MOK: variants seen among roughly 807,000 people sequenced by gnomAD.
MOK encodes the protein MAPK/MAK/MRK overlapping kinase.
A neutral mutation model predicts 54.2 loss-of-function variants in MOK; 59 were observed. The ratio of observed to expected loss-of-function variants is 1.09; its 90% CI spans 0.88 to 1.35. The LOEUF is 1.35. MOK is among the 40% of genes most tolerant of loss of function. The pLI, the probability that MOK is intolerant of heterozygous loss-of-function variation, is 0.00. For synonymous variants in MOK, 210 were observed against 202.7 expected, an observed-to-expected ratio of 1.04 and a Z score of -0.31; for missense variants, 517 against 526.2, an observed-to-expected ratio of 0.98 and a Z score of 0.17.
rs527823537 is a variant in MOK, at chr14:102,240,980, T to C, written c.591-7191A>G. ...CCTAAGTGTCTTCGCCAACACCACT[T>C]GGCCCCAATACAAACTCGATAATGG... On this transcript the variant is annotated intron_variant, in intron 7 of 11. Coordinates refer to ENST00000361847, the MANE Select transcript of MOK (RefSeq NM_014226.3). The surrounding 1 kb of genome is among the most constrained non-coding windows in gnomAD (Gnocchi z 5.4). Among the ~76,000 whole-genome samples the C allele has an allele frequency of 6.6e-6, 1 of 152,272 alleles. No homozygotes were observed. Among genetic ancestry groups the C allele is most frequent in the African/African-American group, 2.4e-5 (1 of 41,538 alleles).
rs76918593 is a variant in MOK at position 102,236,793 on chromosome 14, G to T, written c.591-3004C>A. 6.6e-6 allele frequency among the ~76,000 whole-genome samples: 1 copy of T among 151,864 alleles called. No individual in the cohort carries two copies. The highest frequency in any genetic ancestry group is 1.5e-5 in the Non-Finnish European group (1 of 67,972). Reference sequence around the variant, plus strand: ...CCTATCTCCCTAACCCACCAAAAAGGCTTACAGCCCATCACAAACAAGCTC... The same window carrying T: ...CCTATCTCCCTAACCCACCAAAAAGTCTTACAGCCCATCACAAACAAGCTC... On this transcript the variant is annotated intron_variant, in intron 7 of 11. Coordinates refer to ENST00000361847, the MANE Select transcript of MOK (RefSeq NM_014226.3). The surrounding 1 kb of genome is among the most constrained non-coding windows in gnomAD (Gnocchi z 4.5).
At chr14:102,298,858 C>G (rs902566081) in intron 1 of MOK, among the ~76,000 whole-genome samples, 2 of 152,230 alleles carry the variant, frequency 1.3e-5, no homozygotes, top group African/African-American at 2.4e-5. Context: ...CTGAGGCCAG[C>G]AAGACCACGA....
intron 3 of MOK, among the ~76,000 whole-genome samples, chr14:102,265,307 AC>A (rs1214049280): frequency 6.6e-6 from 1 of 152,182 alleles, no homozygotes; most frequent in East Asian, 1.9e-4. Context: ...ATGTGGAGTC[AC>A]CTAAATGAAG....
the MOK span, among the ~76,000 whole-genome samples, chr14:102,215,195 G>C: frequency 2.0e-5 from 3 of 152,234 alleles, no homozygotes; most frequent in Non-Finnish European, 4.4e-5. Context: ...TCGATGAAAT[G>C]TTCTGCGTCT....
chr14:102,286,298 C>CAAAAAAAAAA (rs60479729), intron 1 of MOK, among the ~76,000 whole-genome samples: 1 of 25,586 alleles, frequency 3.9e-5, no homozygotes. Context: ...GACTCCGTCT[C>CAAAAAAAAAA]AAAAAAAAAA....
At chr14:102,283,359 G>T in intron 2 of MOK, 119 bp downstream of exon 2, 1 of 637,936 alleles carries the variant, frequency 1.6e-6, no homozygotes, top group Non-Finnish European at 2.7e-6. Context: ...ACTGCCCAAA[G>T]AAATCTGATT....
In MOK at chr14:102,251,930, C is replaced by G; in HGVS notation, c.349G>C (p.Asp117His). 6.2e-7 allele frequency: 1 copy of G among 1,603,842 alleles called. No individual in the cohort carries two copies. The highest frequency in any genetic ancestry group is 8.5e-7 in the Non-Finnish European group (1 of 1,171,754). ...HYMYQLCKSLDHIHRNGIFHR... is the reference protein window; with the variant it reads ...HYMYQLCKSLHHIHRNGIFHR... The stretch of plus-strand genomic sequence containing the variant: ...CCGAGAGCATACCTGTGAATATGAT[C>G]CAGGGACTTACATAACTGGTACATA... Residue 117 changes from aspartate to histidine, a missense_variant, in exon 5 of 12, where the codon GAT becomes CAT. Coordinates refer to ENST00000361847, the MANE Select transcript of MOK (RefSeq NM_014226.3).
chr14:102,243,715 T>C (rs2065887411), intron 7 of MOK, among the ~76,000 whole-genome samples: 1 of 152,194 alleles, frequency 6.6e-6, no homozygotes, highest in Non-Finnish European at 1.5e-5. Context: ...ATACCACACC[T>C]GACCCCCATG....
intron 2 of MOK, 105 bp downstream of exon 2, chr14:102,283,373 T>C (rs2069673713): frequency 1.5e-6 from 1 of 671,960 alleles, no homozygotes; most frequent in Non-Finnish European, 2.5e-6. Context: ...TCTGATTGTA[T>C]CTTACATATT....
At position 102,305,072 on chromosome 14, in the gene MOK, G is replaced by A. The variant is rs1272853131; in HGVS notation, c.-104C>T. The A allele has an allele frequency of 5.9e-6, 8 of 1,355,224 alleles. No individual in the cohort carries two copies. The highest frequency in any genetic ancestry group is 7.2e-6 in the Non-Finnish European group (7 of 967,084). The allele number at this position is 1,355,224 out of a possible 1,614,324, so 83.9% of individuals were successfully genotyped here. A position where few individuals can be genotyped will look rare whatever the true frequency, so the allele number is the denominator to read the frequency against. On this transcript the variant is annotated 5_prime_UTR_variant, in exon 1 of 12. Coordinates refer to ENST00000361847, the MANE Select transcript of MOK (RefSeq NM_014226.3). The stretch of plus-strand genomic sequence containing the variant: ...TTCCACTTCCCTGAGGCGGGGTCCC[G>A]CACTAGGATCTCCGTGGTGGTCCCT...
chr14:102,233,338 G>T, intron 8 of MOK: 1 of 212,900 alleles, frequency 4.7e-6, no homozygotes, highest in South Asian at 8.3e-5. Context: ...GCTGTGGAGG[G>T]CTGCAGAAAG....
chr14:102,282,912 G>T (rs1162636699), intron 2 of MOK, among the ~76,000 whole-genome samples: 1 of 151,682 alleles, frequency 6.6e-6, no homozygotes, highest in Non-Finnish European at 1.5e-5. Flanking sequence ...ATAATTAGCC[G>T]GGCTTGGTGG....
chr14:102,215,907 G>A, the MOK span, among the ~76,000 whole-genome samples: 7 of 152,134 alleles, frequency 4.6e-5, no homozygotes, highest in African/African-American at 1.7e-4. Context: ...CCTGGCACCC[G>A]CAGGCCTACC....
At position 102,297,086 on chromosome 14, in the gene MOK, G is replaced by A. The variant is rs144715550; in HGVS notation, c.7+7876C>T. The stretch of plus-strand genomic sequence containing the variant: ...AAATAATAATAAATAGGCTGGGCAC[G>A]GTGACTCACGCCTGTAATACCAGCA... On this transcript the variant is annotated intron_variant, in intron 1 of 11. Transcript: ENST00000361847. Among the ~76,000 whole-genome samples, 681 of 149,276 alleles carry A rather than the reference G, an allele frequency of 4.6e-3. 3 individuals carry two copies. Among genetic ancestry groups the A allele is most frequent in the Non-Finnish European group, 7.6e-3 (510 of 67,468 alleles).
chr14:102,216,311 C>A, the MOK span, among the ~76,000 whole-genome samples: 3 of 152,166 alleles, frequency 2.0e-5, no homozygotes, highest in Non-Finnish European at 4.4e-5. Flanking sequence ...CTGAACAGGG[C>A]GTTTTGGTTT....
intron 1 of MOK, among the ~76,000 whole-genome samples, chr14:102,298,411 A>G (rs1039372380): frequency 2.0e-5 from 3 of 152,154 alleles, no homozygotes; most frequent in South Asian, 4.1e-4. Context: ...TAAATACACC[A>G]ATCAGCACTC....
At chr14:102,270,719 AAAACTGGAAATTG>A (rs2068283627) in intron 2 of MOK, among the ~76,000 whole-genome samples, 1 of 152,208 alleles carries the variant, frequency 6.6e-6, no homozygotes. Context: ...GACACAAAAT[AAAACTGGAAATTG>A]AAACAGCCCT....
chr14:102,256,321 T>G (rs944368342), intron 4 of MOK, among the ~76,000 whole-genome samples: 18 of 151,916 alleles, frequency 1.2e-4, no homozygotes, highest in Non-Finnish European at 2.5e-4. Context: ...TCCCAGCACT[T>G]TGGGAGGCTG....
At chr14:102,273,320 C>T (rs1410838150) in intron 2 of MOK, among the ~76,000 whole-genome samples, 1 of 149,178 alleles carries the variant, frequency 6.7e-6, no homozygotes, top group Non-Finnish European at 1.5e-5. Context: ...AGAAATTTCT[C>T]AAAATACAAA....
Sources: allele counts gnomAD v4.1 joint callset (sites outside exome capture counted in the v4.1 genomes callset), GRCh38; gene constraint gnomAD v4.1.1; non-coding constraint Gnocchi (gnomAD v3.1); transcripts MANE v1.5; gene names NCBI Gene and HGNC (gene_info 2026-07-23, HGNC 2026-07-21).